PRIM2: variants seen among roughly 807,000 people sequenced by gnomAD.
PRIM2 encodes DNA primase subunit 2.
PRIM2 carries 39 observed loss-of-function variants against 67.3 expected under a neutral mutation model. That is an observed-to-expected ratio of 0.58 (90% CI 0.45 to 0.76). PRIM2 has a LOEUF of 0.76. Ranked by LOEUF, PRIM2 falls within the 30% of genes least tolerant of loss-of-function variation. The probability of loss-of-function intolerance (pLI) is 0.00; values close to 1 mark genes in which losing one functional copy is unlikely to be tolerated. For synonymous variants in PRIM2, 143 were observed against 198.7 expected (o/e 0.72, Z 2.36); for missense variants, 398 against 598.7 (o/e 0.66, Z 3.50).
chr6:57,450,728 G>A lies in PRIM2; in HGVS notation c.694-56659G>A, dbSNP rs1772516763. On this transcript the variant is annotated intron_variant, in intron 7 of 13. Coordinates refer to ENST00000615550, the MANE Select transcript of PRIM2 (RefSeq NM_000947.5). ...GCAGTAAGTGATTTATAAAGCATGT[G>A]CTTTCCCTAATGATTTATATGATCA... 2.0e-5 allele frequency among the ~76,000 whole-genome samples: 3 copies of A among 152,282 alleles called. No homozygotes were observed. In the South Asian group the frequency reaches 6.2e-4, roughly 32 times the overall value.
At chr6:57,454,910 C>T (rs369374091) in intron 7 of PRIM2, among the ~76,000 whole-genome samples, 2 of 152,092 alleles carry the variant, frequency 1.3e-5, no homozygotes, top group Admixed American at 1.3e-4. Flanking sequence ...CCTGCTTTGT[C>T]ATGTGGGCAT....
chr6:57,402,810 A>T lies in PRIM2; in HGVS notation c.693+20642A>T, dbSNP rs575268706. ...AAATATTACCCCTGCCCACAGATGT[A>T]GGCAATATAAAATGGGGGTTTTAAA... On this transcript the variant is annotated intron_variant, in intron 7 of 13. Coordinates refer to ENST00000615550, the MANE Select transcript of PRIM2 (RefSeq NM_000947.5). Among the ~76,000 whole-genome samples, 4 of 152,318 alleles carry T rather than the reference A, an allele frequency of 2.6e-5. No homozygotes were observed. The East Asian group carries it at 5.8e-4, about 22-fold the overall frequency.
chr6:57,573,129 T>C (rs1473316446), intron 10 of PRIM2, among the ~76,000 whole-genome samples: 1 of 152,230 alleles, frequency 6.6e-6, no homozygotes, highest in African/African-American at 2.4e-5. Flanking sequence ...TGCCCTATAC[T>C]TTCATTTATT....
chr6:57,536,909 G>C lies in PRIM2; in HGVS notation c.835-531G>C, dbSNP rs1455727264. On this transcript the variant is annotated intron_variant, in intron 9 of 13. Transcript: ENST00000615550. ...TTGTGGTGACAGAACTGTTCTGCAT[G>C]TTGACTGTGGTGGTGGATGTATGAA... Among the ~76,000 whole-genome samples the C allele has an allele frequency of 9.3e-4, 141 of 151,942 alleles. 2 individuals carry two copies. Among genetic ancestry groups the C allele is most frequent in the African/African-American group, 3.2e-3 (134 of 41,308 alleles).
intron 10 of PRIM2, among the ~76,000 whole-genome samples, chr6:57,547,410 G>A (rs1775310935): frequency 6.6e-6 from 1 of 152,040 alleles, no homozygotes; most frequent in African/African-American, 2.4e-5. Context: ...GTAGTCCTCC[G>A]TGTCTATTGG....
At chr6:57,570,306 G>A (rs1265884726) in intron 10 of PRIM2, among the ~76,000 whole-genome samples, 1 of 152,110 alleles carries the variant, frequency 6.6e-6, no homozygotes, top group Admixed American at 6.5e-5. Flanking sequence ...CCTTTGTTTC[G>A]TCTTTTTGGT....
chr6:57,643,991 C>T (rs1364281072), intron 13 of PRIM2, among the ~76,000 whole-genome samples: 7 of 152,282 alleles, frequency 4.6e-5, no homozygotes, highest in Admixed American at 2.0e-4. Flanking sequence ...CATTCTAGAC[C>T]ATGGCAGCAA....
At chr6:57,474,730 T>C (rs1477645382) in intron 7 of PRIM2, among the ~76,000 whole-genome samples, 11 of 152,074 alleles carry the variant, frequency 7.2e-5, no homozygotes, top group Admixed American at 5.9e-4. Flanking sequence ...AAGAGGTGAT[T>C]AAAGAGGTGT....
At chr6:57,261,831 C>A in the PRIM2 span, among the ~76,000 whole-genome samples, 1 of 152,202 alleles carries the variant, frequency 6.6e-6, no homozygotes, top group Non-Finnish European at 1.5e-5. Context: ...GTCTGTCTTC[C>A]GTGGCTCCAG....
the PRIM2 span, among the ~76,000 whole-genome samples, chr6:57,257,342 G>A: frequency 6.6e-6 from 1 of 150,942 alleles, no homozygotes; most frequent in African/African-American, 2.4e-5. Flanking sequence ...CGCAATCTCG[G>A]CTCACCGCAA....
chr6:57,507,602 ATACCATGTACTTGT>A (rs1774276942), intron 8 of PRIM2, 148 bp downstream of exon 8: 1 of 1,000,384 alleles, frequency 1.0e-6, no homozygotes, highest in Non-Finnish European at 1.4e-6. Flanking sequence ...GAAGTTCTTA[ATACCATGTACTTGT>A]TACCCTTACT....
At chr6:57,458,972 C>A (rs1381769151) in intron 7 of PRIM2, among the ~76,000 whole-genome samples, 1 of 152,216 alleles carries the variant, frequency 6.6e-6, no homozygotes, top group African/African-American at 2.4e-5. Context: ...CAGCCCTTAA[C>A]TTTTGTTTAG....
chr6:57,464,176 G>A (rs6914118), intron 7 of PRIM2, among the ~76,000 whole-genome samples: 11 of 152,130 alleles, frequency 7.2e-5, no homozygotes, highest in African/African-American at 2.2e-4. Context: ...ATAATGTCAC[G>A]TTTGTTTGTG....
intron 8 of PRIM2, among the ~76,000 whole-genome samples, chr6:57,512,828 C>T (rs1349928137): frequency 6.6e-6 from 1 of 152,112 alleles, no homozygotes; most frequent in Non-Finnish European, 1.5e-5. Context: ...AACTCCAGAC[C>T]TCAGGTGTTC....
At chr6:57,382,331 T>G (rs912872123) in intron 7 of PRIM2, 163 bp downstream of exon 7, 8 of 777,158 alleles carry the variant, frequency 1.0e-5, no homozygotes, top group Admixed American at 3.6e-5. Flanking sequence ...AATTCCTAGG[T>G]TTTTATTTGT....
intron 7 of PRIM2, among the ~76,000 whole-genome samples, chr6:57,489,510 T>TCC: frequency 1.3e-5 from 2 of 152,174 alleles, no homozygotes; most frequent in South Asian, 4.1e-4. Context: ...TGAGCCGAGA[T>TCC]CGTTCCACTG....
At chr6:57,538,968 A>G (rs1270254927) in intron 10 of PRIM2, among the ~76,000 whole-genome samples, 3 of 152,156 alleles carry the variant, frequency 2.0e-5, no homozygotes, top group African/African-American at 7.2e-5. Context: ...TCAACAAATG[A>G]CTTTTAGGAG....
chr6:57,616,801 A>G (rs1168365626), intron 12 of PRIM2, among the ~76,000 whole-genome samples: 2 of 152,166 alleles, frequency 1.3e-5, no homozygotes, highest in Non-Finnish European at 2.9e-5. Context: ...CTATTAAACA[A>G]TCACCTCCTG....
intron 10 of PRIM2, among the ~76,000 whole-genome samples, chr6:57,544,407 C>A (rs1162460553): frequency 3.3e-5 from 5 of 151,950 alleles, no homozygotes; most frequent in Non-Finnish European, 7.4e-5. Context: ...CAAGCTGATG[C>A]CCTTTGGATT....
Sources: gnomAD v4.1 joint callset for allele counts (sites outside exome capture counted in the v4.1 genomes callset) on GRCh38, gnomAD v4.1.1 for gene constraint, MANE v1.5 for transcripts, NCBI Gene and HGNC (gene_info 2026-07-23, HGNC 2026-07-21) for gene names.